The following SEM1 variants were observed in gnomAD, a reference collection of about 807,000 sequenced individuals.
SEM1 encodes SEM1 26S proteasome subunit.
SEM1 carries 3 observed loss-of-function variants against 12.7 expected under a neutral mutation model. The observed-to-expected ratio is 0.24, with a 90% CI of 0.11 to 0.61. SEM1 has a LOEUF of 0.61. Among genes scored for constraint, SEM1 ranks in the 20% least tolerant of loss-of-function variants. The probability of loss-of-function intolerance (pLI) is 0.88; values close to 1 mark genes in which losing one functional copy is unlikely to be tolerated. For synonymous variants in SEM1, 30 were observed against 27.8 expected (o/e 1.08, Z -0.25); for missense variants, 59 against 81.3 (o/e 0.73, Z 1.06).
Position 96,523,102 on chromosome 7 carries a change from C to T in SEM1, c.171-16404G>A, listed in dbSNP as rs117622584. On this transcript the variant is annotated intron_variant and NMD_transcript_variant, in intron 2 of 3. Transcript: ENST00000466986. ...CAAATCTTTGACAAAATAATGAACA[C>T]GAAGACACAGAGGGCAGAGCTATGT... Among the ~76,000 whole-genome samples, 16 of 152,120 alleles carry T rather than the reference C, an allele frequency of 1.1e-4. No individual in the cohort carries two copies. The East Asian group carries it at 2.1e-3, about 20-fold the overall frequency.
intron 2 of SEM1, among the ~76,000 whole-genome samples, chr7:96,517,257 G>C (rs1804125233): frequency 6.6e-6 from 1 of 152,090 alleles, no homozygotes; most frequent in East Asian, 1.9e-4. Context: ...AGATTCATCA[G>C]TTGTAACAAA....
In SEM1 at chr7:96,551,896, A is replaced by T. The variant is rs556860685; in HGVS notation, c.171-45198T>A. On this transcript the variant is annotated intron_variant and NMD_transcript_variant, in intron 2 of 3. Transcript: ENST00000466986. ...TGGAAGGAACCAGCCCTGCCAACAC[A>T]TTTATTTCAGACTTCTGGCCCCAAA... 2.0e-5 allele frequency among the ~76,000 whole-genome samples: 3 copies of T among 152,146 alleles called. No homozygotes were observed. The East Asian group carries it at 5.8e-4, about 29-fold the overall frequency.
At chr7:96,552,786 G>T (rs1453592735) in intron 2 of SEM1, among the ~76,000 whole-genome samples, 2 of 151,980 alleles carry the variant, frequency 1.3e-5, no homozygotes, top group East Asian at 3.9e-4. Context: ...TTCCACAATG[G>T]TTGAACTAGT....
At chr7:96,612,406 C>G (rs960266508) in intron 2 of SEM1, among the ~76,000 whole-genome samples, 4 of 152,154 alleles carry the variant, frequency 2.6e-5, no homozygotes, top group Non-Finnish European at 5.9e-5. Context: ...AGGCCTTGAT[C>G]CCACCCTTGC....
chr7:96,680,363 G>A (rs1789572732), intron 2 of SEM1, among the ~76,000 whole-genome samples: 1 of 152,076 alleles, frequency 6.6e-6, no homozygotes, highest in South Asian at 2.1e-4. Context: ...TACAATGGGA[G>A]TTCTACTTTT....
intron 2 of SEM1, among the ~76,000 whole-genome samples, chr7:96,566,709 T>C (rs1354812978): frequency 6.6e-6 from 1 of 151,674 alleles, no homozygotes; most frequent in Non-Finnish European, 1.5e-5. Context: ...GAAAGGCTTC[T>C]CTCATTACAA....
At position 96,617,049 on chromosome 7, in the gene SEM1, C is replaced by T. The variant is rs117495645; in HGVS notation, c.170+77749G>A. On this transcript the variant is annotated intron_variant and NMD_transcript_variant, in intron 2 of 3. Transcript: ENST00000466986. ...TTCAGGCTCTTTTTTTGGTTTCATACGAATTTCAGGATGTTTTTTCTAATT... is the reference window on the plus strand; with the variant it reads ...TTCAGGCTCTTTTTTTGGTTTCATATGAATTTCAGGATGTTTTTTCTAATT... 2.9e-4 allele frequency among the ~76,000 whole-genome samples: 44 copies of T among 151,974 alleles called. No homozygotes were observed. The East Asian group carries it at 7.7e-3, about 27-fold the overall frequency.
At chr7:96,628,192 G>C (rs1584816272) in intron 2 of SEM1, among the ~76,000 whole-genome samples, 1 of 151,820 alleles carries the variant, frequency 6.6e-6, no homozygotes, top group East Asian at 1.9e-4. Flanking sequence ...GTAGGTGACA[G>C]ATCAATGGAT....
chr7:96,486,315 G>T (rs78670506), exon 2 of SEM1: 2 of 1,536,942 alleles, frequency 1.3e-6, no homozygotes, highest in African/African-American at 2.7e-5. Flanking sequence ...CCTCTGGCCC[G>T]CTGAGCTGGG....
intron 2 of SEM1, among the ~76,000 whole-genome samples, chr7:96,646,280 T>C (rs1359652988): frequency 4.6e-5 from 7 of 152,216 alleles, no homozygotes; most frequent in African/African-American, 1.7e-4. Flanking sequence ...AGAGATCATA[T>C]GTGGCCCACA....
chr7:96,593,985 ATATAT>A (rs72238494), intron 2 of SEM1, among the ~76,000 whole-genome samples: 25,986 of 151,812 alleles, frequency 0.17, 2,232 homozygotes, highest in Middle Eastern at 0.21. Flanking sequence ...TTCATGAAAA[ATATAT>A]TATTAACAAT....
At chr7:96,601,807 G>C (rs566340127) in intron 2 of SEM1, among the ~76,000 whole-genome samples, 1 of 151,876 alleles carries the variant, frequency 6.6e-6, no homozygotes, top group South Asian at 2.1e-4. Context: ...AGACCAAACA[G>C]AAATCTTTTG....
At chr7:96,537,928 T>G (rs1804836837) in intron 2 of SEM1, among the ~76,000 whole-genome samples, 1 of 151,814 alleles carries the variant, frequency 6.6e-6, no homozygotes, top group Non-Finnish European at 1.5e-5. Context: ...ATATTATGCC[T>G]TTTGAAATTT....
upstream of SEM1, among the ~76,000 whole-genome samples, chr7:96,500,821 A>G (rs1472413263): frequency 6.6e-6 from 1 of 152,022 alleles, no homozygotes; most frequent in East Asian, 1.9e-4. Flanking sequence ...TGGCTCCTGG[A>G]TTTCACTCCT....
chr7:96,645,839 G>T (rs1808772946), intron 2 of SEM1: 1 of 398,474 alleles, frequency 2.5e-6, no homozygotes, highest in Non-Finnish European at 4.4e-6. Context: ...TAGTTCTCGT[G>T]TGAGTTAATG....
rs377395930 is a variant in SEM1 at position 96,540,110 on chromosome 7, A to G, written c.171-33412T>C. On this transcript the variant is annotated intron_variant and NMD_transcript_variant, in intron 2 of 3. Coordinates refer to the SEM1 transcript ENST00000466986. ...AATTCTTAACATTGTGAAACTGATA[A>G]TACAAACAGTAGCACTAGCACAGAG... is the stretch of plus-strand genomic sequence containing the variant. 2.0e-4 allele frequency among the ~76,000 whole-genome samples: 31 copies of G among 151,678 alleles called. No homozygotes were observed. In the South Asian group the frequency reaches 6.2e-3, roughly 30 times the overall value.
At chr7:96,632,800 T>G (rs1312388866) in intron 2 of SEM1, among the ~76,000 whole-genome samples, 12 of 100,182 alleles carry the variant, frequency 1.2e-4, no homozygotes, top group African/African-American at 2.5e-4. Context: ...TTTTTTTTTT[T>G]GGCAGACAGT....
In SEM1 at chr7:96,516,455, C is replaced by T. The variant is rs571063047; in HGVS notation, c.171-9757G>A. Among the ~76,000 whole-genome samples, 7 of 152,248 alleles carry T rather than the reference C, an allele frequency of 4.6e-5. No individual in the cohort carries two copies. The South Asian group carries it at 1.4e-3, about 32-fold the overall frequency. ...CAGACAACTCAATAAAGAGGATATT[C>T]AGATAGCAGATAAGCATATGAACAG... On this transcript the variant is annotated intron_variant and NMD_transcript_variant, in intron 2 of 3. Transcript: ENST00000466986.
At position 96,645,293 on chromosome 7, in the gene SEM1, G is replaced by A. The variant is rs77391159; in HGVS notation, c.171-22650C>T. 363 of 153,034 alleles carry A rather than the reference G, an allele frequency of 2.4e-3. 2 individuals are homozygous for A. Among genetic ancestry groups the A allele is most frequent in the African/African-American group, 8.4e-3 (348 of 41,586 alleles). The allele number at this position is 153,034 out of a possible 1,614,324, so 9.5% of individuals were successfully genotyped here. ...TTTGCCCTCAGGGAGTTCAAGGTCT[G>A]GCAGGGAAGAGGGATGGGTCAATAA... On this transcript the variant is annotated intron_variant, in intron 2 of 2. Transcript: ENST00000417009.
Sources: allele counts gnomAD v4.1 joint callset (sites outside exome capture counted in the v4.1 genomes callset), GRCh38; gene constraint gnomAD v4.1.1; transcripts MANE v1.5; gene names NCBI Gene and HGNC (gene_info 2026-07-23, HGNC 2026-07-21).